Variants in CAMTA1 observed in about 807,000 individuals in gnomAD.
CAMTA1 encodes the protein calmodulin-binding transcription activator 1.
A neutral mutation model predicts 170.9 loss-of-function variants in CAMTA1; 27 were observed. The observed-to-expected ratio is 0.16, with a 90% CI of 0.12 to 0.22. The LOEUF is 0.22. Among genes scored for constraint, CAMTA1 ranks in the 10% least tolerant of loss-of-function variants. The pLI is 1.00. For missense variants in CAMTA1, 1,619 were observed against 2,217.2 expected (o/e 0.73, Z 5.42); for synonymous variants, 833 against 891.5 (o/e 0.93, Z 1.17).
rs575877618 is a variant in CAMTA1 at position 7,350,298 on chromosome 1, G to A, written c.438+100672G>A. On this transcript the variant is annotated intron_variant, in intron 5 of 22. Coordinates refer to ENST00000303635, the MANE Select transcript of CAMTA1 (RefSeq NM_015215.4). ...CCCAGGAGGGTCCCCAGGAGCAGGA[G>A]CCACAGAGAGATGTTGTTTTGCAGA... is the stretch of plus-strand genomic sequence containing the variant. 3.3e-5 allele frequency among the ~76,000 whole-genome samples: 5 copies of A among 152,312 alleles called. No individual in the cohort carries two copies. In the East Asian group the frequency reaches 9.7e-4, roughly 29 times the overall value.
At chr1:6,920,324 C>T (rs1159058957) in intron 3 of CAMTA1, among the ~76,000 whole-genome samples, 1 of 152,212 alleles carries the variant, frequency 6.6e-6, no homozygotes. Flanking sequence ...TGTCTTGTGT[C>T]TGGGTCACGA....
intron 3 of CAMTA1, among the ~76,000 whole-genome samples, chr1:6,960,748 G>A (rs541996968): frequency 5.2e-4 from 79 of 152,342 alleles, no homozygotes; most frequent in Non-Finnish European, 1.1e-3. Flanking sequence ...GCAGTGCTGC[G>A]TGTGCAGTGG....
chr1:7,275,218 T>C (rs969699456), intron 5 of CAMTA1, among the ~76,000 whole-genome samples: 11 of 149,524 alleles, frequency 7.4e-5, no homozygotes, highest in Admixed American at 2.7e-4. Flanking sequence ...ATAGAAAATG[T>C]ATGGAGTACA....
chr1:6,941,418 C>G (rs1686596645), intron 3 of CAMTA1, among the ~76,000 whole-genome samples: 1 of 152,146 alleles, frequency 6.6e-6, no homozygotes, highest in Non-Finnish European at 1.5e-5. Context: ...CTGGGGTGTT[C>G]ATTGAGCAGC....
At position 7,664,567 on chromosome 1, in the gene CAMTA1, C is replaced by T. The variant is rs2095986099; in HGVS notation, c.2020C>T (p.Leu674Phe). The part of the protein sequence containing the change: ...TRIESTSSLH[L>F]MQFQANFQAM... Reference sequence around the variant, plus strand: ...GATCGAGTCCACTTCCTCCCTCCACCTCATGCAGTTCCAGGCCAACTTCCA... The same window carrying T: ...GATCGAGTCCACTTCCTCCCTCCACTTCATGCAGTTCCAGGCCAACTTCCA... The change falls in exon 9 of 23, where the codon CTC becomes TTC. Residue 674 changes from leucine (L) to phenylalanine (F), a missense_variant. Coordinates refer to ENST00000303635, the MANE Select transcript of CAMTA1 (RefSeq NM_015215.4). 1 of 1,613,068 alleles carries T rather than the reference C, an allele frequency of 6.2e-7. No homozygotes were observed. The highest frequency in any genetic ancestry group is 8.5e-7 in the Non-Finnish European group (1 of 1,180,028).
intron 6 of CAMTA1, among the ~76,000 whole-genome samples, chr1:7,503,630 A>G (rs2094047551): frequency 6.6e-6 from 1 of 152,152 alleles, no homozygotes; most frequent in Non-Finnish European, 1.5e-5. Flanking sequence ...GCTTCATAAG[A>G]CGCCTGGTGG....
intron 7 of CAMTA1, among the ~76,000 whole-genome samples, chr1:7,651,129 G>A (rs1371886104): frequency 6.6e-6 from 1 of 152,158 alleles, no homozygotes; most frequent in Non-Finnish European, 1.5e-5. Flanking sequence ...CTGGACAAAT[G>A]ACCACAGCAC....
intron 3 of CAMTA1, among the ~76,000 whole-genome samples, chr1:7,077,087 T>C (rs1056045949): frequency 6.6e-6 from 1 of 152,238 alleles, no homozygotes; most frequent in Non-Finnish European, 1.5e-5. Context: ...CACACTCTGT[T>C]AGCTACACAA....
intron 11 of CAMTA1, among the ~76,000 whole-genome samples, chr1:7,689,267 C>CAAAAAA (rs371037487): frequency 2.2e-4 from 29 of 132,068 alleles, no homozygotes; most frequent in African/African-American, 8.0e-4. Flanking sequence ...AACTCCTTCT[C>CAAAAAA]AAAAAAAAAA....
At position 7,251,294 on chromosome 1, in the gene CAMTA1, G is replaced by C. The variant is rs1666599718; in HGVS notation, c.438+1668G>C. Among the ~76,000 whole-genome samples the C allele has an allele frequency of 6.6e-6, 1 of 152,168 alleles. No homozygotes were observed. The highest frequency in any genetic ancestry group is 2.1e-4 in the South Asian group (1 of 4,818). ...TTTCCTCATGTTATAAATTAGAGTT[G>C]TCACTGGATGGAATCAGAATGATTT... On this transcript the variant is annotated intron_variant, in intron 5 of 22. Transcript: ENST00000303635. The surrounding 1 kb of genome is among the most constrained non-coding windows in gnomAD (Gnocchi z 5.1).
intron 3 of CAMTA1, among the ~76,000 whole-genome samples, chr1:6,954,820 C>T (rs1689155033): frequency 6.6e-6 from 1 of 152,050 alleles, no homozygotes; most frequent in Admixed American, 6.5e-5. Flanking sequence ...GGGGCCCTGC[C>T]ACCTCCTTGG....
chr1:7,353,714 G>A (rs561288137), intron 5 of CAMTA1, among the ~76,000 whole-genome samples: 9 of 152,216 alleles, frequency 5.9e-5, no homozygotes, highest in East Asian at 3.9e-4. Context: ...GTGAGCCACC[G>A]TGCTGGGCCT....
intron 11 of CAMTA1, among the ~76,000 whole-genome samples, chr1:7,725,752 C>T (rs2096680742): frequency 6.6e-6 from 1 of 152,230 alleles, no homozygotes; most frequent in African/African-American, 2.4e-5. Flanking sequence ...CTCACTCAGA[C>T]CCACTGGACC....
intron 3 of CAMTA1, among the ~76,000 whole-genome samples, chr1:7,059,502 C>T (rs12042502): frequency 0.088 from 13,334 of 152,158 alleles, 577 homozygotes; most frequent in East Asian, 0.17. Flanking sequence ...CACCTGTAGT[C>T]CCAGCTACTT....
At chr1:7,411,239 T>C (rs1434773467) in intron 5 of CAMTA1, among the ~76,000 whole-genome samples, 1 of 152,116 alleles carries the variant, frequency 6.6e-6, no homozygotes, top group Non-Finnish European at 1.5e-5. Flanking sequence ...AGTTCAGTCA[T>C]TTCGAAGCCT....
At chr1:6,957,092 T>A (rs10158762) in intron 3 of CAMTA1, among the ~76,000 whole-genome samples, 1 of 152,238 alleles carries the variant, frequency 6.6e-6, no homozygotes, top group Non-Finnish European at 1.5e-5. Context: ...TAAGAAACCA[T>A]GTGATTCAAC....
intron 5 of CAMTA1, among the ~76,000 whole-genome samples, chr1:7,350,557 G>A (rs1385389187): frequency 4.6e-5 from 7 of 152,218 alleles, no homozygotes; most frequent in Admixed American, 1.3e-4. Flanking sequence ...GCTCCTGTGA[G>A]GAGCCACTTG....
intron 3 of CAMTA1, among the ~76,000 whole-genome samples, chr1:7,042,819 T>TCTAG (rs1016800455): frequency 1.3e-5 from 2 of 152,240 alleles, no homozygotes; most frequent in African/African-American, 4.8e-5. Context: ...TTAAAGGACC[T>TCTAG]CTAGGCGTTT....
intron 11 of CAMTA1, among the ~76,000 whole-genome samples, chr1:7,715,432 C>CTTT (rs34965685): frequency 1.1e-4 from 15 of 142,276 alleles, no homozygotes; most frequent in Non-Finnish European, 1.4e-4. Flanking sequence ...TAGCCACACA[C>CTTT]TTTTTTTTTT....
Sources: gnomAD v4.1 joint callset for allele counts (sites outside exome capture counted in the v4.1 genomes callset) on GRCh38, gnomAD v4.1.1 for gene constraint, Gnocchi (gnomAD v3.1) non-coding constraint, MANE v1.5 for transcripts, NCBI Gene and HGNC (gene_info 2026-07-23, HGNC 2026-07-21) for gene names.